Variants in CDH2 observed in about 807,000 individuals in gnomAD.
The protein encoded by CDH2 is cadherin-2.
CDH2 carries 17 observed loss-of-function variants against 92.0 expected under a neutral mutation model. The observed-to-expected ratio is 0.18, with a 90% CI of 0.13 to 0.28. The LOEUF is 0.28. Among genes scored for constraint, CDH2 ranks in the 10% least tolerant of loss-of-function variants. The pLI is 1.00. For synonymous variants in CDH2, 419 were observed against 415.9 expected (o/e 1.01, Z -0.09); for missense variants, 862 against 1,133.1 (o/e 0.76, Z 3.44).
chr18:28,085,509 C>A (rs958407180), intron 2 of CDH2, among the ~76,000 whole-genome samples: 1 of 152,144 alleles, frequency 6.6e-6, no homozygotes, highest in African/African-American at 2.4e-5. Flanking sequence ...TGGCTCTTCT[C>A]ATTCACCTTG....
At chr18:28,046,300 A>G (rs898446779) in intron 2 of CDH2, among the ~76,000 whole-genome samples, 1 of 152,240 alleles carries the variant, frequency 6.6e-6, no homozygotes, top group South Asian at 2.1e-4. Flanking sequence ...TAACTTCCTT[A>G]GTAGGTAACT....
chr18:27,988,450 A>T (rs147299931), intron 11 of CDH2, 74 bp downstream of exon 11: 1 of 1,325,152 alleles, frequency 7.5e-7, no homozygotes, highest in East Asian at 2.3e-5. Flanking sequence ...TTTGTAGAAA[A>T]CTTTAATTCC....
intron 2 of CDH2, among the ~76,000 whole-genome samples, chr18:28,115,638 A>G (rs529444124): frequency 8.5e-5 from 13 of 152,270 alleles, no homozygotes; most frequent in Non-Finnish European, 7.4e-5. Flanking sequence ...AGGAACCACC[A>G]CAACCAATTT....
At position 27,985,117 on chromosome 18, in the gene CDH2, C is replaced by T. The variant is rs767117514; in HGVS notation, c.2092G>A (p.Val698Met). Residue 698 changes from valine (V) to methionine (M), a missense_variant, in exon 13 of 16, where the codon GTG (valine) becomes ATG (methionine). By Grantham distance (21) the Val-to-Met change is conservative (BLOSUM62 1). Around this residue, in one of 5 missense-constraint regions of CDH2, gnomAD observed 564 missense variants for 722.2 expected, o/e 0.78. Coordinates refer to ENST00000269141, the MANE Select transcript of CDH2 (RefSeq NM_001792.5). Reference protein sequence around the residue: ...PPKSNISILRVKVCQCDSNGD... With the variant: ...PPKSNISILRMKVCQCDSNGD... Reference sequence around the variant, plus strand: ...TTGGAGTCACACTGGCAAACCTTCACACGCAGGATGGAAATATTTGATTTG... The same window carrying T: ...TTGGAGTCACACTGGCAAACCTTCATACGCAGGATGGAAATATTTGATTTG... The T allele has an allele frequency of 4.8e-5, 78 of 1,613,790 alleles. No homozygotes were observed. Among genetic ancestry groups the T allele is most frequent in the South Asian group, 4.8e-4 (44 of 91,082 alleles).
At chr18:28,156,482 G>GTACA in intron 1 of CDH2, among the ~76,000 whole-genome samples, 2 of 142,956 alleles carry the variant, frequency 1.4e-5, no homozygotes, top group Non-Finnish European at 3.0e-5. Context: ...ACCTTCCCAG[G>GTACA]TACAGAATGT....
chr18:28,088,316 G>C (rs909069625), intron 2 of CDH2, among the ~76,000 whole-genome samples: 1 of 152,134 alleles, frequency 6.6e-6, no homozygotes, highest in African/African-American at 2.4e-5. Context: ...CATAGTCTTT[G>C]CCCCTTGATA....
intron 2 of CDH2, among the ~76,000 whole-genome samples, chr18:28,115,363 A>T (rs1389071708): frequency 1.3e-5 from 2 of 152,172 alleles, no homozygotes; most frequent in Admixed American, 6.6e-5. Flanking sequence ...TCCAAACTGG[A>T]AGATGCAGGA....
intron 2 of CDH2, among the ~76,000 whole-genome samples, chr18:28,030,890 C>T (rs2013677718): frequency 6.6e-6 from 1 of 151,998 alleles, no homozygotes; most frequent in African/African-American, 2.4e-5. Flanking sequence ...CCCTTGGGTA[C>T]TCTTCTGGTT....
At chr18:28,016,491 G>A (rs1236813679) in intron 2 of CDH2, among the ~76,000 whole-genome samples, 2 of 152,130 alleles carry the variant, frequency 1.3e-5, no homozygotes, top group Non-Finnish European at 2.9e-5. Context: ...TTTTTATTAG[G>A]TTGTTGGTAG....
chr18:28,038,860 T>G (rs751767900), intron 2 of CDH2, among the ~76,000 whole-genome samples: 2 of 152,154 alleles, frequency 1.3e-5, no homozygotes, highest in Non-Finnish European at 2.9e-5. Flanking sequence ...AACGTAAAAC[T>G]CACAAAACTA....
At chr18:28,019,989 T>C (rs1486919315) in intron 2 of CDH2, among the ~76,000 whole-genome samples, 1 of 152,158 alleles carries the variant, frequency 6.6e-6, no homozygotes, top group Admixed American at 6.6e-5. Flanking sequence ...CTCATGATTA[T>C]ATGCTTCTTC....
rs189114311 is a variant in CDH2, at chr18:27,969,915, G to A, written c.2350-6394C>T. Among the ~76,000 whole-genome samples the A allele has an allele frequency of 8.1e-3, 1,231 of 152,264 alleles. 16 individuals are homozygous for A. The highest frequency in any genetic ancestry group is 0.027 in the African/African-American group (1,136 of 41,570). On this transcript the variant is annotated intron_variant, in intron 14 of 15. Coordinates refer to ENST00000269141, the MANE Select transcript of CDH2 (RefSeq NM_001792.5). The stretch of plus-strand genomic sequence containing the variant: ...CTCAGGAGGCTGAGGCAGGAGAATC[G>A]CTAGAACCTGGGAGGCAGAGGTTGC...
intron 2 of CDH2, among the ~76,000 whole-genome samples, chr18:28,084,818 G>A (rs1467851277): frequency 6.6e-6 from 1 of 152,082 alleles, no homozygotes; most frequent in Non-Finnish European, 1.5e-5. Context: ...TCCAATCCAT[G>A]ACTTAAATCC....
At chr18:28,088,217 TTC>T (rs2014971643) in intron 2 of CDH2, among the ~76,000 whole-genome samples, 1 of 152,158 alleles carries the variant, frequency 6.6e-6, no homozygotes. Flanking sequence ...AAAGTATAAT[TTC>T]TTTTTCTACT....
intron 2 of CDH2, among the ~76,000 whole-genome samples, chr18:28,025,766 ATAACATAGGG>A (rs2013537224): frequency 6.6e-6 from 1 of 151,992 alleles, no homozygotes; most frequent in African/African-American, 2.4e-5. Context: ...TGGTTCTATT[ATAACATAGGG>A]TAGCTATGGC....
intron 2 of CDH2, among the ~76,000 whole-genome samples, chr18:28,118,790 A>G (rs1300827482): frequency 2.6e-5 from 4 of 152,088 alleles, no homozygotes; most frequent in Non-Finnish European, 2.9e-5. Context: ...AAGATTGTTC[A>G]TTCTAAAAAG....
At chr18:27,978,644 T>C (rs983306114) in intron 14 of CDH2, among the ~76,000 whole-genome samples, 11 of 151,666 alleles carry the variant, frequency 7.3e-5, no homozygotes, top group African/African-American at 1.9e-4. Flanking sequence ...GGGGTAGACA[T>C]TTTATTTTCT....
chr18:27,979,431 T>G (rs1014657414), intron 14 of CDH2, among the ~76,000 whole-genome samples: 10 of 152,202 alleles, frequency 6.6e-5, no homozygotes, highest in Admixed American at 5.2e-4. Context: ...CGTACAGGAC[T>G]GTAGTCGAGC....
intron 2 of CDH2, among the ~76,000 whole-genome samples, chr18:28,112,746 C>T (rs976996362): frequency 3.3e-5 from 5 of 152,020 alleles, no homozygotes; most frequent in African/African-American, 7.2e-5. Context: ...GGATCCCTGC[C>T]CACATTCAGA....
Sources: gnomAD v4.1 joint callset for allele counts (sites outside exome capture counted in the v4.1 genomes callset) on GRCh38, gnomAD v4.1.1 for gene constraint, gnomAD v4.1.1 regional missense constraint, MANE v1.5 for transcripts, NCBI Gene and HGNC (gene_info 2026-07-23, HGNC 2026-07-21) for gene names.